Variants in GSTCD observed in about 807,000 individuals in gnomAD.
GSTCD encodes the protein glutathione S-transferase C-terminal domain-containing protein.
GSTCD carries 44 observed loss-of-function variants against 68.3 expected under a neutral mutation model. That is an observed-to-expected ratio of 0.64 (90% CI 0.51 to 0.83). The LOEUF is 0.83. GSTCD is among the 40% of genes least tolerant of loss of function. GSTCD has a pLI of 0.00. For missense variants in GSTCD, 739 were observed against 735.9 expected, an observed-to-expected ratio of 1.00 and a Z score of -0.05; for synonymous variants, 273 against 255.2, an observed-to-expected ratio of 1.07 and a Z score of -0.67.
Position 105,719,056 on chromosome 4 carries a change from G to T in GSTCD, c.427-4G>T, listed in dbSNP as rs757099607. 1 of 1,571,192 alleles carries T rather than the reference G, an allele frequency of 6.4e-7. No individual in the cohort carries two copies. The highest frequency in any genetic ancestry group is 1.4e-5 in the African/African-American group (1 of 72,454). On this transcript the variant is annotated splice_region_variant and splice_polypyrimidine_tract_variant and intron_variant, in intron 2 of 11. Transcript: ENST00000515279. ...TCATTTCTTGTTTTGTTTTTGTTTT[G>T]TAGGTTAGTCAGTGGACCAGGCTAT...
chr4:105,834,180 T>G (rs1724018208), intron 8 of GSTCD, among the ~76,000 whole-genome samples: 1 of 152,230 alleles, frequency 6.6e-6, no homozygotes, highest in Admixed American at 6.5e-5. Flanking sequence ...GAAATTCTTG[T>G]TTCGAATCTA....
chr4:105,844,392 C>T (rs1174897271), intron 11 of GSTCD, among the ~76,000 whole-genome samples: 1 of 152,140 alleles, frequency 6.6e-6, no homozygotes, highest in African/African-American at 2.4e-5. Context: ...GTGGGATGGG[C>T]TCTTTTAAGG....
intron 5 of GSTCD, among the ~76,000 whole-genome samples, chr4:105,755,584 T>A (rs1002575862): frequency 1.7e-4 from 26 of 152,144 alleles, no homozygotes; most frequent in African/African-American, 6.3e-4. Flanking sequence ...TGCCTGGAGA[T>A]AGTGTTAGAT....
chr4:105,729,262 A>T, intron 4 of GSTCD, 144 bp from the exon 5 acceptor site: 1 of 400,058 alleles, frequency 2.5e-6, no homozygotes, highest in Non-Finnish European at 4.4e-6. Flanking sequence ...TATTTAATTA[A>T]AATATGTATT....
In GSTCD at chr4:105,814,626, A is replaced by G. The variant is rs1220020354; in HGVS notation, c.1241-8328A>G. ...CTGTCTCAAAAAAAATAAATAAATA[A>G]AAATAAAAATAAATTAAAAAAATAA... On this transcript the variant is annotated intron_variant, in intron 5 of 11. Transcript: ENST00000515279. 2.0e-5 allele frequency among the ~76,000 whole-genome samples: 3 copies of G among 152,130 alleles called. No homozygotes were observed. In the East Asian group the frequency reaches 5.8e-4, roughly 29 times the overall value.
intron 10 of GSTCD, among the ~76,000 whole-genome samples, chr4:105,841,670 T>C (rs912450831): frequency 7.1e-4 from 47 of 65,926 alleles, no homozygotes; most frequent in African/African-American, 1.4e-3. Context: ...ACCCCGTTTC[T>C]ATTGAAAAAA....
rs201829497 is a variant in GSTCD, at chr4:105,714,683, CA to C, written c.-21-2909del. Among the ~76,000 whole-genome samples the C allele has an allele frequency of 7.8e-3, 1,168 of 150,566 alleles. 19 individuals are homozygous for C. The highest frequency in any genetic ancestry group is 0.027 in the African/African-American group (1,120 of 41,034). ...TCATTAAGTAACATTTTTAATCTCCCAGGGGGAAAACCAACATCTATATTAA... is the reference window on the plus strand; with the variant it reads ...TCATTAAGTAACATTTTTAATCTCCCGGGGGAAAACCAACATCTATATTAA... On this transcript the variant is annotated intron_variant, in intron 1 of 11. Transcript: ENST00000515279.
At position 105,726,814 on chromosome 4, in the gene GSTCD, C is replaced by G; in HGVS notation, c.1130C>G (p.Thr377Ser). ...DPLFIGGPRPTMAKLMEKGIE... is the reference protein window; with the variant it reads ...DPLFIGGPRPSMAKLMEKGIE... ...TTATTTATAGGAGGACCAAGACCAA[C>G]CATGGCCAAGTTAATGGTACTTAAT... The change falls in exon 4 of 12, where the codon ACC (threonine) becomes AGC (serine). Residue 377 changes from threonine to serine, a missense_variant. Transcript: ENST00000515279. The G allele has an allele frequency of 6.2e-7, 1 of 1,608,712 alleles. No homozygotes were observed. The highest frequency in any genetic ancestry group is 1.1e-5 in the South Asian group (1 of 89,852).
Position 105,719,453 on chromosome 4 carries a change from G to A in GSTCD, c.820G>A (p.Glu274Lys), listed in dbSNP as rs1459293299. The change falls in exon 3 of 12, where the codon GAG becomes AAG. Residue 274 changes from glutamate to lysine, a missense_variant. Transcript: ENST00000515279. ...KAKASDLPPL[E>K]HVFAEGLYFT... ...AAAAGCCTCCGACCTTCCACCTCTG[G>A]AGCATGTGTTTGCAGAAGGGCTTTA... 1 of 1,614,014 alleles carries A rather than the reference G, an allele frequency of 6.2e-7. No individual in the cohort carries two copies. The highest frequency in any genetic ancestry group is 8.5e-7 in the Non-Finnish European group (1 of 1,179,950).
intron 5 of GSTCD, among the ~76,000 whole-genome samples, chr4:105,793,596 C>A (rs1028190502): frequency 4.0e-5 from 6 of 151,300 alleles, no homozygotes; most frequent in African/African-American, 1.5e-4. Context: ...TCATATTTAC[C>A]CTACCACCCT....
intron 3 of GSTCD, among the ~76,000 whole-genome samples, chr4:105,725,005 A>G (rs1732986389): frequency 1.3e-5 from 2 of 152,138 alleles, no homozygotes; most frequent in South Asian, 2.1e-4. Context: ...CCAGATTGGA[A>G]TGCAGTTGAT....
At chr4:105,733,687 G>A (rs151237052) in intron 5 of GSTCD, among the ~76,000 whole-genome samples, 6,816 of 152,060 alleles carry the variant, frequency 0.045, 209 homozygotes, top group Middle Eastern at 0.13. Context: ...GCCCATTTAC[G>A]TTAAGGTTAA....
At chr4:105,733,510 C>T (rs949097421) in intron 5 of GSTCD, among the ~76,000 whole-genome samples, 15 of 152,128 alleles carry the variant, frequency 9.9e-5, no homozygotes, top group African/African-American at 3.6e-4. Flanking sequence ...GGATTGCAAA[C>T]CCTGCCTTCT....
At chr4:105,840,637 T>C (rs907377746) in intron 10 of GSTCD, among the ~76,000 whole-genome samples, 1 of 152,200 alleles carries the variant, frequency 6.6e-6, no homozygotes, top group Non-Finnish European at 1.5e-5. Context: ...TGTCGTGGGA[T>C]CATTGCTTCA....
chr4:105,778,125 G>T (rs1382466958), intron 5 of GSTCD, among the ~76,000 whole-genome samples: 2 of 152,146 alleles, frequency 1.3e-5, no homozygotes, highest in Non-Finnish European at 2.9e-5. Context: ...AAAAACATTG[G>T]AAGCCAATGA....
chr4:105,795,326 TCTC>T (rs1220009112), intron 5 of GSTCD, among the ~76,000 whole-genome samples: 1 of 124,260 alleles, frequency 8.0e-6, no homozygotes, highest in Non-Finnish European at 1.7e-5. Flanking sequence ...TATATCATGT[TCTC>T]CTTGTTCTTC....
chr4:105,830,936 A>T (rs1239831186), intron 8 of GSTCD, among the ~76,000 whole-genome samples: 4 of 152,200 alleles, frequency 2.6e-5, no homozygotes, highest in African/African-American at 9.7e-5. Context: ...GATAATAAAT[A>T]ATGTCTAATA....
intron 5 of GSTCD, among the ~76,000 whole-genome samples, chr4:105,785,484 A>G (rs1735431206): frequency 6.6e-6 from 1 of 152,166 alleles, no homozygotes; most frequent in South Asian, 2.1e-4. Context: ...TATTTGTATC[A>G]ATATCGATTC....
At chr4:105,732,273 C>T (rs978755423) in intron 5 of GSTCD, among the ~76,000 whole-genome samples, 2 of 152,156 alleles carry the variant, frequency 1.3e-5, no homozygotes, top group Middle Eastern at 3.2e-3. Context: ...ATGGTACCAG[C>T]TCCTCCTTGT....
Sources: gnomAD v4.1 joint callset for allele counts (sites outside exome capture counted in the v4.1 genomes callset) on GRCh38, gnomAD v4.1.1 for gene constraint, MANE v1.5 for transcripts, NCBI Gene and HGNC (gene_info 2026-07-23, HGNC 2026-07-21) for gene names.